Variants in SLC4A8 observed in about 807,000 individuals in gnomAD.
SLC4A8 encodes the protein electroneutral sodium bicarbonate exchanger 1.
SLC4A8 carries 40 observed loss-of-function variants against 125.0 expected under a neutral mutation model. The ratio of observed to expected loss-of-function variants is 0.32; its 90% CI spans 0.25 to 0.42. The LOEUF is 0.42. SLC4A8 is among the 10% of genes least tolerant of loss of function. The pLI is 1.00. For missense variants in SLC4A8, 863 were observed against 1,355.1 expected (o/e 0.64, Z 5.70); for synonymous variants, 456 against 476.0 (o/e 0.96, Z 0.55).
In SLC4A8 at chr12:51,485,768, C is replaced by T. The variant is rs1462382681; in HGVS notation, c.2173-19C>T. 7 of 1,412,142 alleles carry T rather than the reference C, an allele frequency of 5.0e-6. No homozygotes were observed. The highest frequency in any genetic ancestry group is 7.0e-6 in the Non-Finnish European group (7 of 996,662). 87.5% of individuals were successfully genotyped at this position (1,412,142 alleles called of 1,614,324 possible). A position where few individuals can be genotyped will look rare whatever the true frequency, so the allele number is the denominator to read the frequency against. The stretch of plus-strand genomic sequence containing the variant: ...TATTTAACCTGCCAAAACATGTGTC[C>T]ACTTCTTTCTCATGCCAGGTACGCT... On this transcript the variant is annotated intron_variant, in intron 16 of 24. Transcript: ENST00000453097.
intron 14 of SLC4A8, among the ~76,000 whole-genome samples, chr12:51,472,829 C>T (rs1950744296): frequency 6.6e-6 from 1 of 152,134 alleles, no homozygotes; most frequent in Non-Finnish European, 1.5e-5. Flanking sequence ...GAAGCTAGAA[C>T]TCCTTAACTC....
chr12:51,494,969 G>T lies in SLC4A8; in HGVS notation c.2794G>T (p.Gly932Trp). The change falls in exon 21 of 25, where the codon GGG becomes TGG. Residue 932 changes from glycine to tryptophan, a missense_variant. Around this residue, in one of 6 missense-constraint regions of SLC4A8, gnomAD observed 197 missense variants for 377.7 expected, o/e 0.52. Coordinates refer to ENST00000453097, the MANE Select transcript of SLC4A8 (RefSeq NM_001039960.3). ...IQFFDRLKLF[G>W]MPAKHQPDFI... ...GTTCTTTGATCGTCTAAAGCTCTTTGGGATGCCCGCAAAGCACCAGCCAGA... is the reference window on the plus strand; with the variant it reads ...GTTCTTTGATCGTCTAAAGCTCTTTTGGATGCCCGCAAAGCACCAGCCAGA... 1 of 1,614,090 alleles carries T rather than the reference G, an allele frequency of 6.2e-7. No homozygotes were observed. Among genetic ancestry groups the T allele is most frequent in the Non-Finnish European group, 8.5e-7 (1 of 1,179,988 alleles).
At chr12:51,433,652 G>A (rs558912108) in intron 1 of SLC4A8, among the ~76,000 whole-genome samples, 2 of 152,096 alleles carry the variant, frequency 1.3e-5, no homozygotes, top group Non-Finnish European at 2.9e-5. Context: ...GGAAATAATA[G>A]CCAATTGGTG....
chr12:51,444,438 G>C (rs912437423), intron 2 of SLC4A8, among the ~76,000 whole-genome samples: 9 of 152,140 alleles, frequency 5.9e-5, no homozygotes, highest in Non-Finnish European at 1.3e-4. Flanking sequence ...TCAAAAGACA[G>C]GCATTGCGAT....
intron 24 of SLC4A8, 151 bp from the exon 25 acceptor site, chr12:51,507,275 C>T (rs1938212642): frequency 2.0e-6 from 1 of 490,504 alleles, no homozygotes; most frequent in African/African-American, 2.0e-5. Flanking sequence ...GTATAACGCA[C>T]ATGGTTATTT....
At chr12:51,412,294 T>C (rs917723968) in intron 1 of SLC4A8, among the ~76,000 whole-genome samples, 2 of 152,218 alleles carry the variant, frequency 1.3e-5, no homozygotes, top group Non-Finnish European at 2.9e-5. Flanking sequence ...TTTTTAAAAA[T>C]GTTCTAGTTG....
At chr12:51,494,908 G>A (rs1951421973) in intron 20 of SLC4A8, 37 bp from the exon 21 acceptor site, 1 of 1,589,452 alleles carries the variant, frequency 6.3e-7, no homozygotes, top group Non-Finnish European at 8.6e-7. Context: ...GACCCAGAAT[G>A]CCCTCCTGAA....
At chr12:51,486,713 CA>C (rs1189449635) in intron 17 of SLC4A8, among the ~76,000 whole-genome samples, 1 of 152,192 alleles carries the variant, frequency 6.6e-6, no homozygotes, top group African/African-American at 2.4e-5. Flanking sequence ...AGAAGGCCGA[CA>C]GGAATAAAGG....
intron 1 of SLC4A8, among the ~76,000 whole-genome samples, chr12:51,426,319 T>A (rs1472481561): frequency 6.6e-6 from 1 of 152,214 alleles, no homozygotes; most frequent in African/African-American, 2.4e-5. Context: ...GCCTATTAAA[T>A]GTATTCAATC....
At chr12:51,410,876 C>CTTTTTTTTTTTTTT (rs58043742) in intron 1 of SLC4A8, among the ~76,000 whole-genome samples, 1 of 117,386 alleles carries the variant, frequency 8.5e-6, no homozygotes, top group Non-Finnish European at 1.7e-5. Flanking sequence ...CTTTTCTTTT[C>CTTTTTTTTTTTTTT]TTTTTTTTTT....
chr12:51,480,102 A>G (rs1392648202), intron 16 of SLC4A8: 3 of 382,156 alleles, frequency 7.9e-6, no homozygotes, highest in South Asian at 6.0e-5. Flanking sequence ...CACCACAGCC[A>G]GCTAATTTTT....
Position 51,451,003 on chromosome 12 carries a change from C to T in SLC4A8, c.258C>T (p.Gly86=), listed in dbSNP as rs1466169741. 1.3e-6 allele frequency: 2 copies of T among 1,534,200 alleles called. No individual in the cohort carries two copies. Among genetic ancestry groups the T allele is most frequent in the African/African-American group, 2.8e-5 (2 of 72,128 alleles). The change falls in exon 3 of 25, where the codon GGC becomes GGT. Residue 86 remains glycine (G), a synonymous_variant. Transcript: ENST00000453097. The part of the protein sequence containing the change: ...RGKGASQGEE[G]LEALAHDTPS... Reference sequence around the variant, plus strand: ...AAGGAGCCAGCCAGGGGGAGGAAGGCCTGGAAGCCCTGGCCCACGGTAAGG... The same window carrying T: ...AAGGAGCCAGCCAGGGGGAGGAAGGTCTGGAAGCCCTGGCCCACGGTAAGG...
intron 1 of SLC4A8, 93 bp from the exon 2 acceptor site, chr12:51,440,615 C>T (rs1403024396): frequency 4.4e-6 from 4 of 903,564 alleles, no homozygotes; most frequent in Non-Finnish European, 6.9e-6. Context: ...GTGTTTCCCC[C>T]GTAAGTATCT....
At chr12:51,447,056 G>GTCTATCTATCTTTA (rs1038724217) in intron 2 of SLC4A8, among the ~76,000 whole-genome samples, 1 of 147,320 alleles carries the variant, frequency 6.8e-6, no homozygotes. Context: ...CTGTCTGTCT[G>GTCTATCTATCTTTA]TCTATCTATC....
At position 51,469,861 on chromosome 12, in the gene SLC4A8, TG is replaced by T. The variant is rs1459893085; in HGVS notation, c.1524+78del. 3.7e-6 allele frequency: 5 copies of T among 1,364,606 alleles called. No homozygotes were observed. In the African/African-American group the frequency reaches 7.2e-5, roughly 20 times the overall value. The allele number at this position is 1,364,606 out of a possible 1,614,324, so 84.5% of individuals were successfully genotyped here. ...ATTGTGGCGGCAGCCAGGTCCACTG[TG>T]GGGGAAATTACTTGGTCTAGGACTG... On this transcript the variant is annotated intron_variant, in intron 12 of 24. Coordinates refer to ENST00000453097, the MANE Select transcript of SLC4A8 (RefSeq NM_001039960.3).
Position 51,404,716 on chromosome 12 carries a change from C to T in SLC4A8, c.-112+13228C>T, listed in dbSNP as rs913364796. Among the ~76,000 whole-genome samples the T allele has an allele frequency of 2.0e-5, 3 of 152,294 alleles. No individual in the cohort carries two copies. In the East Asian group the frequency reaches 5.8e-4, roughly 29 times the overall value. ...CAGAGAAAGATAAAGAATGAGAGGA[C>T]TCCAGTGATATCTTTTGGACTCCTG... On this transcript the variant is annotated intron_variant, in intron 1 of 24. Coordinates refer to the SLC4A8 transcript ENST00000358657.
In SLC4A8 at chr12:51,473,671, G is replaced by T. The variant is rs555598140; in HGVS notation, c.1905-671G>T. On this transcript the variant is annotated intron_variant, in intron 14 of 24. Transcript: ENST00000453097. ...CCAGGTCAGGCATGAAGCATGCTGGGACTGGGAGGCAACATGGTGGCCAAT... is the reference window on the plus strand; with the variant it reads ...CCAGGTCAGGCATGAAGCATGCTGGTACTGGGAGGCAACATGGTGGCCAAT... 9.8e-5 allele frequency among the ~76,000 whole-genome samples: 15 copies of T among 152,338 alleles called. No homozygotes were observed. The South Asian group carries it at 3.1e-3, about 32-fold the overall frequency.
intron 1 of SLC4A8, among the ~76,000 whole-genome samples, chr12:51,402,049 T>C (rs1948404069): frequency 6.6e-6 from 1 of 152,192 alleles, no homozygotes; most frequent in Non-Finnish European, 1.5e-5. Flanking sequence ...ATTACAGGCA[T>C]GAGCCACAGT....
intron 10 of SLC4A8, among the ~76,000 whole-genome samples, 160 bp from the exon 11 acceptor site, chr12:51,463,454 G>A (rs966521260): frequency 1.4e-5 from 2 of 142,004 alleles, no homozygotes; most frequent in South Asian, 2.3e-4. Context: ...TGTGTGTTTC[G>A]GTAAAGTCAA....
Sources: allele counts gnomAD v4.1 joint callset (sites outside exome capture counted in the v4.1 genomes callset), GRCh38; gene constraint gnomAD v4.1.1; regional missense constraint gnomAD v4.1.1; transcripts MANE v1.5; gene names NCBI Gene and HGNC (gene_info 2026-07-23, HGNC 2026-07-21).